The following HYDIN variants were observed in gnomAD, a reference collection of about 807,000 sequenced individuals.
HYDIN encodes the protein axonemal central pair apparatus protein HYDIN.
HYDIN carries 132 observed loss-of-function variants against 403.9 expected under a neutral mutation model. The observed-to-expected ratio is 0.33, with a 90% CI of 0.28 to 0.38. HYDIN has a LOEUF of 0.38. Ranked by LOEUF, HYDIN falls within the 10% of genes least tolerant of loss-of-function variation. HYDIN has a pLI of 1.00. For synonymous variants in HYDIN, 1,202 were observed against 1,891.7 expected (o/e 0.64, Z 9.46); for missense variants, 2,827 against 5,009.5 (o/e 0.56, Z 13.15).
intron 5 of HYDIN, among the ~76,000 whole-genome samples, chr16:71,173,100 G>A (rs1026486305): frequency 1.3e-5 from 2 of 152,180 alleles, no homozygotes; most frequent in Non-Finnish European, 2.9e-5. Context: ...AGCAAAATGA[G>A]AAAACAACTC....
rs1414034327 is a variant in HYDIN at position 70,803,058 on chromosome 16, A to G, written c.*4522T>C. Among the ~76,000 whole-genome samples, 2 of 152,216 alleles carry G rather than the reference A, an allele frequency of 1.3e-5. No individual in the cohort carries two copies. Among genetic ancestry groups the G allele is most frequent in the Non-Finnish European group, 2.9e-5 (2 of 68,042 alleles). ...CATTTCCACGGGACGCATATCTAAT[A>G]TATTTCATGTTTCTTTTGCTTTTTG... On this transcript the variant is annotated 3_prime_UTR_variant, in exon 86 of 86. Coordinates refer to ENST00000393567, the MANE Select transcript of HYDIN (RefSeq NM_001270974.2).
intron 36 of HYDIN, among the ~76,000 whole-genome samples, chr16:70,965,599 T>G (rs1181238472): frequency 1.3e-5 from 2 of 152,254 alleles, no homozygotes; most frequent in Non-Finnish European, 2.9e-5. Flanking sequence ...ACAGCAAAAT[T>G]AAGTTTTAAA....
chr16:70,805,386 A>C lies in HYDIN; in HGVS notation c.*2194T>G, dbSNP rs1028669428. On this transcript the variant is annotated 3_prime_UTR_variant, in exon 86 of 86. Transcript: ENST00000393567. The stretch of plus-strand genomic sequence containing the variant: ...AATTCCCAGGTGATGCTGATGCTGC[A>C]GGTCCATAGGCCACTCCGAATAACC... Among the ~76,000 whole-genome samples, 55 of 152,216 alleles carry C rather than the reference A, an allele frequency of 3.6e-4. No individual in the cohort carries two copies. Among genetic ancestry groups the C allele is most frequent in the African/African-American group, 1.3e-3 (52 of 41,452 alleles).
intron 42 of HYDIN, among the ~76,000 whole-genome samples, chr16:70,942,205 A>G (rs1483980029): frequency 3.3e-5 from 5 of 150,386 alleles, no homozygotes; most frequent in African/African-American, 4.9e-5. Context: ...TTGTATTTTT[A>G]GTAGAGACAG....
chr16:71,150,708 T>A (rs1472574905), intron 7 of HYDIN, among the ~76,000 whole-genome samples: 1 of 152,136 alleles, frequency 6.6e-6, no homozygotes, highest in Non-Finnish European at 1.5e-5. Context: ...ACTGGTAACA[T>A]GGATTTTGTC....
chr16:70,931,208 CTGT>C (rs1382948581), intron 45 of HYDIN, among the ~76,000 whole-genome samples: 16 of 78,232 alleles, frequency 2.0e-4, no homozygotes, highest in Non-Finnish European at 4.4e-4. Flanking sequence ...TCTCTTTCTT[CTGT>C]TTTTTTTTTT....
chr16:71,130,468 C>CA (rs1568200186), intron 8 of HYDIN, among the ~76,000 whole-genome samples: 80 of 130,412 alleles, frequency 6.1e-4, no homozygotes, highest in African/African-American at 2.0e-3. Context: ...CCATATATAC[C>CA]GGTTTTTTTT....
intron 77 of HYDIN, among the ~76,000 whole-genome samples, 158 bp downstream of exon 77, chr16:70,837,532 G>C (rs1264796929): frequency 2.6e-5 from 4 of 151,958 alleles, no homozygotes; most frequent in Non-Finnish European, 5.9e-5. Flanking sequence ...TCTGTTATTA[G>C]GAACATCATC....
At chr16:70,965,643 G>C (rs3913709) in intron 36 of HYDIN, among the ~76,000 whole-genome samples, 1 of 152,150 alleles carries the variant, frequency 6.6e-6, no homozygotes, top group East Asian at 1.9e-4. Context: ...TGATTTATTG[G>C]TATCAAAAAT....
chr16:71,036,148 T>A (rs1157239319), intron 18 of HYDIN, among the ~76,000 whole-genome samples: 2 of 152,104 alleles, frequency 1.3e-5, no homozygotes, highest in African/African-American at 4.8e-5. Context: ...GTGAAGAGCT[T>A]ACTCCATCAG....
At chr16:70,996,196 C>G (rs2079527159) in intron 23 of HYDIN, among the ~76,000 whole-genome samples, 1 of 152,190 alleles carries the variant, frequency 6.6e-6, no homozygotes, top group Non-Finnish European at 1.5e-5. Context: ...TCTTCTGGCC[C>G]TATCTTGCTT....
chr16:70,835,502 T>C (rs536285849), intron 78 of HYDIN, among the ~76,000 whole-genome samples, 174 bp downstream of exon 78: 2 of 152,316 alleles, frequency 1.3e-5, no homozygotes, highest in African/African-American at 2.4e-5. Context: ...GTGCACCCTG[T>C]AAAGCCCTAT....
chr16:70,923,647 CAAAAAAAAAAAAA>C (rs57860871), intron 45 of HYDIN, among the ~76,000 whole-genome samples: 2 of 69,310 alleles, frequency 2.9e-5, no homozygotes, highest in African/African-American at 6.3e-5. Flanking sequence ...CTAAAAAATA[CAAAAAAAAAAAAA>C]AAAAAAAAAA....
chr16:70,808,207 AACTCCCTTGTAGGGTAGGTATT>A, intron 85 of HYDIN, 145 bp from the exon 86 acceptor site: 1 of 916,110 alleles, frequency 1.1e-6, no homozygotes, highest in Non-Finnish European at 1.6e-6. Context: ...GTGTCCTTAT[AACTCCCTTGTAGGGTAGGTATT>A]ACTAATTATT....
chr16:70,965,337 G>A (rs2078540803), intron 36 of HYDIN, among the ~76,000 whole-genome samples: 1 of 151,702 alleles, frequency 6.6e-6, no homozygotes, highest in Non-Finnish European at 1.5e-5. Context: ...AGGTAAAATA[G>A]TATTAAGTAC....
At chr16:71,219,787 T>C (rs2089098860) in intron 1 of HYDIN, among the ~76,000 whole-genome samples, 1 of 152,232 alleles carries the variant, frequency 6.6e-6, no homozygotes, top group African/African-American at 2.4e-5. Flanking sequence ...CAATTATTTT[T>C]GCCTTATTCC....
At chr16:71,198,195 T>C (rs2087802510) in intron 1 of HYDIN, among the ~76,000 whole-genome samples, 1 of 152,276 alleles carries the variant, frequency 6.6e-6, no homozygotes, top group Non-Finnish European at 1.5e-5. Flanking sequence ...TATATACAGC[T>C]GTAGTCCATT....
intron 1 of HYDIN, among the ~76,000 whole-genome samples, chr16:71,229,520 A>G (rs2144783959): frequency 6.6e-6 from 1 of 152,338 alleles, no homozygotes; most frequent in East Asian, 1.9e-4. Flanking sequence ...CCTAATGTCC[A>G]TCAGCTGATG....
At position 70,805,418 on chromosome 16, in the gene HYDIN, C is replaced by T. The variant is rs987276784; in HGVS notation, c.*2162G>A. ...TAGGCCACTCCGAATAACCAGGAGG[C>T]TCGAGGCTTTAGAGTCGTGGTTCTC... On this transcript the variant is annotated 3_prime_UTR_variant, in exon 86 of 86. Transcript: ENST00000393567. Among the ~76,000 whole-genome samples, 3 of 152,184 alleles carry T rather than the reference C, an allele frequency of 2.0e-5. No homozygotes were observed. Among genetic ancestry groups the T allele is most frequent in the African/African-American group, 7.2e-5 (3 of 41,436 alleles).
Sources: allele counts gnomAD v4.1 joint callset (sites outside exome capture counted in the v4.1 genomes callset), GRCh38; gene constraint gnomAD v4.1.1; transcripts MANE v1.5; gene names NCBI Gene and HGNC (gene_info 2026-07-23, HGNC 2026-07-21).